CBLN2: variants seen among roughly 807,000 people sequenced by gnomAD.
CBLN2 encodes the protein cerebellin 2 precursor, also known as cerebellin-2.
In CBLN2, 7 loss-of-function variants were observed where a neutral mutation model predicts 15.0. The observed-to-expected ratio is 0.47, with a 90% confidence interval of 0.27 to 0.88. The LOEUF is 0.88. Ranked by LOEUF, CBLN2 falls within the 40% of genes least tolerant of loss-of-function variation. The pLI is 0.14. For synonymous variants in CBLN2, 149 were observed against 135.2 expected, an observed-to-expected ratio of 1.10 and a Z score of -0.71; for missense variants, 242 against 304.5, an observed-to-expected ratio of 0.79 and a Z score of 1.53.
chr18:72,563,430 C>A (rs2069274258), intron 1 of CBLN2, among the ~76,000 whole-genome samples: 1 of 152,114 alleles, frequency 6.6e-6, no homozygotes, highest in Non-Finnish European at 1.5e-5. Flanking sequence ...AACAAGATAG[C>A]TGATTAGAGA....
intron 1 of CBLN2, among the ~76,000 whole-genome samples, chr18:72,581,599 T>C (rs947796674): frequency 6.6e-6 from 1 of 152,246 alleles, no homozygotes; most frequent in Non-Finnish European, 1.5e-5. Context: ...GAGTTTTCTC[T>C]CTTTCTTGTT....
intron 1 of CBLN2, among the ~76,000 whole-genome samples, chr18:72,620,052 A>G (rs1887705026): frequency 6.6e-6 from 1 of 152,228 alleles, no homozygotes; most frequent in Non-Finnish European, 1.5e-5. Context: ...CACCAGCAGG[A>G]ACAAACTCCA....
intron 1 of CBLN2, among the ~76,000 whole-genome samples, chr18:72,549,444 G>A (rs2069178484): frequency 6.6e-6 from 1 of 152,164 alleles, no homozygotes. Flanking sequence ...GTTTACTGCA[G>A]ACACATAGGA....
At chr18:72,548,207 C>T (rs1184657092), upstream of CBLN2, among the ~76,000 whole-genome samples, 2 of 152,152 alleles carry the variant, frequency 1.3e-5, no homozygotes, top group Non-Finnish European at 2.9e-5. Flanking sequence ...TAGGGATCTG[C>T]CATCAGAATG....
At chr18:72,553,918 T>G (rs910174791) in intron 1 of CBLN2, among the ~76,000 whole-genome samples, 2 of 152,234 alleles carry the variant, frequency 1.3e-5, no homozygotes, top group African/African-American at 4.8e-5. Context: ...TGAAGACAAC[T>G]GTCAGATTCG....
chr18:72,543,161 C>T lies in CBLN2; in HGVS notation c.-167+325G>A. On this transcript the variant is annotated intron_variant, in intron 2 of 4. Transcript: ENST00000269503. The surrounding 1 kb of genome is among the most constrained non-coding windows in gnomAD (Gnocchi z 6.8). ...GGGCGGCAGCCCCTGCAGGTTTCTG[C>T]GAACTTACGCGCCCGTCTGCACTTT... 1 of 246,256 alleles carries T rather than the reference C, an allele frequency of 4.1e-6. No individual in the cohort carries two copies. Among genetic ancestry groups the T allele is most frequent in the Non-Finnish European group, 7.7e-6 (1 of 129,062 alleles). 15.3% of individuals were successfully genotyped at this position (246,256 alleles called of 1,614,324 possible).
At chr18:72,627,814 A>G (rs935560753) in intron 1 of CBLN2, among the ~76,000 whole-genome samples, 1 of 152,224 alleles carries the variant, frequency 6.6e-6, no homozygotes, top group Non-Finnish European at 1.5e-5. Flanking sequence ...TAAAAGTTCA[A>G]AATTTTAAAT....
intron 1 of CBLN2, among the ~76,000 whole-genome samples, chr18:72,617,932 G>T (rs575809077): frequency 6.6e-6 from 1 of 151,930 alleles, no homozygotes; most frequent in Non-Finnish European, 1.5e-5. Context: ...ATTCCAGAAC[G>T]AGAAAAAGAA....
chr18:72,617,027 A>G (rs1194828162), intron 1 of CBLN2, among the ~76,000 whole-genome samples: 1 of 152,190 alleles, frequency 6.6e-6, no homozygotes, highest in Non-Finnish European at 1.5e-5. Context: ...GTATATTCCT[A>G]ATTTCTCAGA....
chr18:72,588,162 A>G (rs753058769), intron 1 of CBLN2, among the ~76,000 whole-genome samples: 30 of 152,218 alleles, frequency 2.0e-4, no homozygotes, highest in Non-Finnish European at 4.0e-4. Flanking sequence ...ATTCAGAGCT[A>G]AAGCTTTCCA....
chr18:72,575,263 G>A (rs1378254464), intron 1 of CBLN2, among the ~76,000 whole-genome samples: 1 of 152,128 alleles, frequency 6.6e-6, no homozygotes, highest in African/African-American at 2.4e-5. Flanking sequence ...GTGAGTGAGT[G>A]AGGTCGGGTG....
chr18:72,626,745 AGAAG>A (rs1197374979), intron 1 of CBLN2, among the ~76,000 whole-genome samples: 2 of 152,152 alleles, frequency 1.3e-5, no homozygotes, highest in Non-Finnish European at 2.9e-5. Context: ...TTCATGATCC[AGAAG>A]GAGCCAAAAG....
In CBLN2 at chr18:72,565,751, G is replaced by A. The variant is rs180850400; in HGVS notation, c.16-26979C>T. Among the ~76,000 whole-genome samples the A allele has an allele frequency of 1.7e-3, 255 of 152,242 alleles. 1 individual carries two copies. Among genetic ancestry groups the A allele is most frequent in the African/African-American group, 5.4e-3 (223 of 41,562 alleles). On this transcript the variant is annotated intron_variant, in intron 1 of 2. Coordinates refer to the CBLN2 transcript ENST00000581073. Reference sequence around the variant, plus strand: ...GTTCATGGTTGCATGACCTTGGTCTGAGCAAAGATTTTTTGGCTAAGTCCT... The same window carrying A: ...GTTCATGGTTGCATGACCTTGGTCTAAGCAAAGATTTTTTGGCTAAGTCCT...
At chr18:72,569,911 G>A (rs377421837) in intron 1 of CBLN2, among the ~76,000 whole-genome samples, 105 of 152,278 alleles carry the variant, frequency 6.9e-4, no homozygotes, top group African/African-American at 2.4e-3. Context: ...TCAATACAGT[G>A]TCATAGAGAT....
intron 1 of CBLN2, among the ~76,000 whole-genome samples, chr18:72,627,851 T>C (rs1272609082): frequency 6.6e-6 from 1 of 152,252 alleles, no homozygotes; most frequent in Non-Finnish European, 1.5e-5. Flanking sequence ...CTTATATGTA[T>C]AGCTTCAGAC....
intron 1 of CBLN2, among the ~76,000 whole-genome samples, chr18:72,566,561 C>G (rs2069296359): frequency 6.6e-6 from 1 of 152,088 alleles, no homozygotes; most frequent in African/African-American, 2.4e-5. Flanking sequence ...CACAGAAAAA[C>G]AAATACTGCG....
chr18:72,581,780 G>C (rs962096872), intron 1 of CBLN2, among the ~76,000 whole-genome samples: 2 of 152,046 alleles, frequency 1.3e-5, no homozygotes, highest in Admixed American at 1.3e-4. Context: ...TTTGTATGCT[G>C]CTTAAATATT....
At chr18:72,576,022 A>G (rs1241241854) in intron 1 of CBLN2, among the ~76,000 whole-genome samples, 1 of 152,218 alleles carries the variant, frequency 6.6e-6, no homozygotes, top group Non-Finnish European at 1.5e-5. Flanking sequence ...TATTCATTCA[A>G]TAATATTTAC....
In CBLN2 at chr18:72,544,203, G is replaced by C. The variant is rs1598990540; in HGVS notation, c.-438C>G. On this transcript the variant is annotated 5_prime_UTR_variant, in exon 1 of 5. Transcript: ENST00000269503. ...GACTGGGATGGCTGGGACGAAGAGA[G>C]GGAAAAAAAAAGCTTGAGAATTTGA... The C allele has an allele frequency of 1.3e-5, 2 of 151,860 alleles. No individual in the cohort carries two copies. Among genetic ancestry groups the C allele is most frequent in the East Asian group, 3.9e-4 (2 of 5,168 alleles). The allele number at this position is 151,860 out of a possible 1,614,324, so 9.4% of individuals were successfully genotyped here.
Sources: gnomAD v4.1 joint callset for allele counts (sites outside exome capture counted in the v4.1 genomes callset) on GRCh38, gnomAD v4.1.1 for gene constraint, Gnocchi (gnomAD v3.1) non-coding constraint, MANE v1.5 for transcripts, NCBI Gene and HGNC (gene_info 2026-07-23, HGNC 2026-07-21) for gene names.